The following SNTG1 variants were observed in gnomAD, a reference collection of about 807,000 sequenced individuals.
The protein encoded by SNTG1 is gamma-1-syntrophin.
In SNTG1, 39 loss-of-function variants were observed where a neutral mutation model predicts 74.7. The observed-to-expected ratio is 0.52, with a 90% CI of 0.40 to 0.68. The LOEUF (loss-of-function observed/expected upper bound fraction) is 0.68. Ranked by LOEUF, SNTG1 falls within the 30% of genes least tolerant of loss-of-function variation. The pLI is 0.00. For synonymous variants in SNTG1, 254 were observed against 217.1 expected, an observed-to-expected ratio of 1.17 and a Z score of -1.49; for missense variants, 685 against 609.5, an observed-to-expected ratio of 1.12 and a Z score of -1.30.
chr8:50,742,399 A>G (rs1330134718), intron 17 of SNTG1, among the ~76,000 whole-genome samples: 1 of 152,044 alleles, frequency 6.6e-6, no homozygotes, highest in Non-Finnish European at 1.5e-5. Context: ...AGAAATGGAA[A>G]TCAACACACT....
At chr8:50,580,791 C>G (rs924016502) in intron 12 of SNTG1, among the ~76,000 whole-genome samples, 5 of 152,136 alleles carry the variant, frequency 3.3e-5, no homozygotes, top group African/African-American at 1.2e-4. Context: ...ATAAATTACC[C>G]AGTCTTGGGT....
intron 2 of SNTG1, among the ~76,000 whole-genome samples, chr8:50,392,141 AT>A (rs749775844): frequency 2.6e-4 from 40 of 152,328 alleles, no homozygotes; most frequent in Non-Finnish European, 2.4e-4. Context: ...GCAATGGTTC[AT>A]TAACTGTAAT....
intron 2 of SNTG1, among the ~76,000 whole-genome samples, chr8:50,200,782 A>G (rs992156698): frequency 6.6e-6 from 1 of 152,168 alleles, no homozygotes; most frequent in African/African-American, 2.4e-5. Context: ...TCCATGCAAT[A>G]TTTATACATG....
chr8:50,463,700 C>T (rs946186547), intron 8 of SNTG1, among the ~76,000 whole-genome samples: 7 of 152,082 alleles, frequency 4.6e-5, no homozygotes, highest in Non-Finnish European at 8.8e-5. Context: ...TTCTTAAAGT[C>T]GCTAGCATTT....
At chr8:50,408,011 C>T (rs1010716440) in intron 4 of SNTG1, among the ~76,000 whole-genome samples, 4 of 152,204 alleles carry the variant, frequency 2.6e-5, no homozygotes, top group Admixed American at 2.6e-4. Flanking sequence ...AGCAGTGTTA[C>T]CTAGAGGGGC....
chr8:50,672,318 C>A (rs1220443971), intron 15 of SNTG1, among the ~76,000 whole-genome samples: 2 of 152,008 alleles, frequency 1.3e-5, no homozygotes, highest in Non-Finnish European at 1.5e-5. Context: ...AAAAGTATTC[C>A]TATTTCTCCA....
At chr8:50,061,234 A>G (rs1820445137) in intron 1 of SNTG1, among the ~76,000 whole-genome samples, 1 of 152,178 alleles carries the variant, frequency 6.6e-6, no homozygotes, top group African/African-American at 2.4e-5. Flanking sequence ...TAATGATTAT[A>G]GAATAATTTA....
At chr8:50,497,278 T>C (rs1364343427) in intron 8 of SNTG1, among the ~76,000 whole-genome samples, 1 of 152,012 alleles carries the variant, frequency 6.6e-6, no homozygotes, top group Admixed American at 6.6e-5. Flanking sequence ...CCAATACATG[T>C]CATATTTTTC....
chr8:50,324,360 T>C (rs751016012), intron 2 of SNTG1, among the ~76,000 whole-genome samples: 9 of 152,230 alleles, frequency 5.9e-5, no homozygotes, highest in Non-Finnish European at 8.8e-5. Flanking sequence ...GTTGTTGGCA[T>C]TGGCAATTTA....
intron 1 of SNTG1, among the ~76,000 whole-genome samples, chr8:50,105,754 T>C (rs928351443): frequency 6.6e-6 from 1 of 152,118 alleles, no homozygotes; most frequent in African/African-American, 2.4e-5. Context: ...GCTTTCCTGG[T>C]TAGCTGTATT....
intron 1 of SNTG1, among the ~76,000 whole-genome samples, chr8:49,928,672 A>T (rs1186041274): frequency 1.3e-5 from 2 of 152,156 alleles, no homozygotes; most frequent in Non-Finnish European, 2.9e-5. Context: ...TCAATGTAAA[A>T]CTGCTTTAAA....
chr8:50,730,736 G>A (rs567915663), intron 17 of SNTG1, among the ~76,000 whole-genome samples: 1 of 152,206 alleles, frequency 6.6e-6, no homozygotes, highest in South Asian at 2.1e-4. Flanking sequence ...AAAATATGAA[G>A]GAGGCAATAT....
In SNTG1 at chr8:50,714,835, C is replaced by G. The variant is rs999292283; in HGVS notation, c.1284+5857C>G. 3.3e-5 allele frequency among the ~76,000 whole-genome samples: 5 copies of G among 152,030 alleles called. No individual in the cohort carries two copies. The East Asian group carries it at 7.8e-4, about 24-fold the overall frequency. On this transcript the variant is annotated intron_variant, in intron 17 of 18. Coordinates refer to ENST00000642720, the MANE Select transcript of SNTG1 (RefSeq NM_018967.5). ...AAAGACCATTCTAGCTGAGGTACAG[C>G]TTGCATCAAGCAGGTGGGGGCAATA...
At chr8:50,473,648 A>G (rs62515688) in intron 8 of SNTG1, among the ~76,000 whole-genome samples, 16,866 of 152,248 alleles carry the variant, frequency 0.11, 1,323 homozygotes, top group Non-Finnish European at 0.17. Flanking sequence ...ACAATAACCA[A>G]GAAGTGGTGG....
intron 17 of SNTG1, among the ~76,000 whole-genome samples, chr8:50,741,667 T>C (rs902076177): frequency 4.6e-5 from 7 of 152,030 alleles, no homozygotes; most frequent in African/African-American, 1.4e-4. Flanking sequence ...AACTATGGTA[T>C]ACCTGGAAAA....
At chr8:50,635,303 A>G (rs80282421) in intron 13 of SNTG1, among the ~76,000 whole-genome samples, 3 of 152,076 alleles carry the variant, frequency 2.0e-5, no homozygotes, top group Non-Finnish European at 4.4e-5. Flanking sequence ...TACTTCCTAC[A>G]TTCGCTCAAG....
intron 13 of SNTG1, among the ~76,000 whole-genome samples, chr8:50,618,975 A>G (rs2094903140): frequency 1.3e-5 from 2 of 152,042 alleles, no homozygotes; most frequent in African/African-American, 4.8e-5. Flanking sequence ...TCACTGCCCA[A>G]GGACAATCAC....
intron 2 of SNTG1, among the ~76,000 whole-genome samples, chr8:50,229,436 A>G (rs1315886410): frequency 1.3e-5 from 2 of 151,540 alleles, no homozygotes; most frequent in Non-Finnish European, 3.0e-5. Context: ...TAAAAAAATA[A>G]AAATAAAAAG....
Position 50,568,267 on chromosome 8 carries a change from C to CATCT in SNTG1, c.810+15098_810+15101dup, listed in dbSNP as rs1209242481. On this transcript the variant is annotated intron_variant, in intron 12 of 18. Coordinates refer to ENST00000642720, the MANE Select transcript of SNTG1 (RefSeq NM_018967.5). The stretch of plus-strand genomic sequence containing the variant: ...TGTGTGTGTGTGCTATCTATTTATC[C>CATCT]ATCTATCTATCTACCATTGTGAATA... Among the ~76,000 whole-genome samples the CATCT allele has an allele frequency of 1.3e-4, 10 of 76,092 alleles. No homozygotes were observed. In the East Asian group the frequency reaches 5.3e-3, roughly 40 times the overall value. The allele number at this position is 76,092 out of a possible 152,430, so 49.9% of individuals were successfully genotyped here. A position where few individuals can be genotyped will look rare whatever the true frequency, so the allele number is the denominator to read the frequency against.
Sources: allele counts gnomAD v4.1 joint callset (sites outside exome capture counted in the v4.1 genomes callset), GRCh38; gene constraint gnomAD v4.1.1; transcripts MANE v1.5; gene names NCBI Gene and HGNC (gene_info 2026-07-23, HGNC 2026-07-21).